Variants in MEI4 observed in about 807,000 individuals in gnomAD.
MEI4 encodes the protein meiosis-specific protein MEI4.
In MEI4, 27 loss-of-function variants were observed where a neutral mutation model predicts 31.4. The ratio of observed to expected loss-of-function variants is 0.86; its 90% CI spans 0.63 to 1.19. MEI4 has a LOEUF of 1.19. Ranked by LOEUF, MEI4 falls within the 50% of genes most tolerant of loss-of-function variation. MEI4 has a pLI of 0.00. For synonymous variants in MEI4, 122 were observed against 145.4 expected (o/e 0.84, Z 1.16); for missense variants, 329 against 398.9 (o/e 0.82, Z 1.49).
intron 2 of MEI4, among the ~76,000 whole-genome samples, chr6:77,746,371 G>T (rs1209933699): frequency 6.6e-6 from 1 of 152,126 alleles, no homozygotes; most frequent in Non-Finnish European, 1.5e-5. Flanking sequence ...TCCAATAAGT[G>T]GAAGCCCTGA....
intron 4 of MEI4, among the ~76,000 whole-genome samples, chr6:77,834,496 C>A (rs920407593): frequency 2.0e-5 from 3 of 149,960 alleles, no homozygotes; most frequent in African/African-American, 7.3e-5. Flanking sequence ...TGAGGCAGAG[C>A]TCCTTTTGTG....
intron 1 of MEI4, among the ~76,000 whole-genome samples, chr6:77,672,023 T>C (rs1281212436): frequency 6.6e-6 from 1 of 152,190 alleles, no homozygotes; most frequent in Non-Finnish European, 1.5e-5. Context: ...TTTAGTGACA[T>C]GCATATAGAG....
At chr6:77,737,758 A>G (rs1767290464) in intron 2 of MEI4, among the ~76,000 whole-genome samples, 1 of 152,206 alleles carries the variant, frequency 6.6e-6, no homozygotes, top group South Asian at 2.1e-4. Context: ...AGATAGGATC[A>G]ATATCATCTG....
chr6:77,819,559 C>T (rs891351446), intron 3 of MEI4, among the ~76,000 whole-genome samples: 2 of 152,082 alleles, frequency 1.3e-5, no homozygotes, highest in Non-Finnish European at 2.9e-5. Context: ...AAGTGATACC[C>T]TAAGCTCTTT....
intron 2 of MEI4, among the ~76,000 whole-genome samples, chr6:77,752,726 T>C (rs796100343): frequency 2.0e-4 from 31 of 152,316 alleles, no homozygotes; most frequent in African/African-American, 7.0e-4. Flanking sequence ...AAGCTACCAC[T>C]GACTTTCTTC....
At chr6:77,743,687 AC>A (rs1767487226) in intron 2 of MEI4, among the ~76,000 whole-genome samples, 1 of 151,988 alleles carries the variant, frequency 6.6e-6, no homozygotes, top group Admixed American at 6.6e-5. Context: ...CTGACCCCTG[AC>A]CCCCGAGCAG....
chr6:77,780,263 G>A (rs1337689603), intron 3 of MEI4, among the ~76,000 whole-genome samples: 1 of 152,168 alleles, frequency 6.6e-6, no homozygotes, highest in East Asian at 1.9e-4. Context: ...GAATATAAGG[G>A]AGTTTATCTA....
At chr6:77,843,963 A>G (rs948698533) in intron 4 of MEI4, among the ~76,000 whole-genome samples, 1 of 152,106 alleles carries the variant, frequency 6.6e-6, no homozygotes, top group African/African-American at 2.4e-5. Flanking sequence ...TGGGTTTGAA[A>G]AATCCACTTC....
intron 3 of MEI4, among the ~76,000 whole-genome samples, chr6:77,769,963 G>C (rs773531470): frequency 2.4e-4 from 36 of 151,764 alleles, no homozygotes; most frequent in African/African-American, 8.5e-4. Context: ...TTCTGCTTGA[G>C]AAAAGGAGAC....
rs374377420 is a variant in MEI4 at position 77,799,942 on chromosome 6, C to T, written c.769-28989C>T. Among the ~76,000 whole-genome samples, 8 of 152,062 alleles carry T rather than the reference C, an allele frequency of 5.3e-5. No individual in the cohort carries two copies. The South Asian group carries it at 8.3e-4, about 16-fold the overall frequency. ...GTCAGGTAGTGTGATGCCTCCAGCTCTGTTCTTTTGGCTTAGGATTTACTT... is the reference window on the plus strand; with the variant it reads ...GTCAGGTAGTGTGATGCCTCCAGCTTTGTTCTTTTGGCTTAGGATTTACTT... On this transcript the variant is annotated intron_variant, in intron 3 of 4. Transcript: ENST00000684080.
intron 2 of MEI4, among the ~76,000 whole-genome samples, chr6:77,737,838 G>A (rs2127671510): frequency 6.6e-6 from 1 of 152,278 alleles, no homozygotes; most frequent in East Asian, 1.9e-4. Flanking sequence ...CTTGGAGACT[G>A]GAGGGTAGTA....
chr6:77,839,364 T>C (rs1770302147), intron 4 of MEI4, among the ~76,000 whole-genome samples: 1 of 152,148 alleles, frequency 6.6e-6, no homozygotes, highest in Non-Finnish European at 1.5e-5. Flanking sequence ...AAGGTGAATC[T>C]TCCTACACAG....
At chr6:77,724,966 C>A (rs912847822) in intron 2 of MEI4, among the ~76,000 whole-genome samples, 24 of 142,508 alleles carry the variant, frequency 1.7e-4, no homozygotes, top group African/African-American at 5.8e-4. Flanking sequence ...GAAATACTAT[C>A]TTCTTCTGTT....
chr6:77,785,660 T>C (rs1768715765), intron 3 of MEI4, among the ~76,000 whole-genome samples: 1 of 152,170 alleles, frequency 6.6e-6, no homozygotes, highest in Non-Finnish European at 1.5e-5. Flanking sequence ...AGGGTTATTT[T>C]TGTGAGAAGG....
chr6:77,791,414 A>C (rs907820763), intron 3 of MEI4, among the ~76,000 whole-genome samples: 1 of 151,206 alleles, frequency 6.6e-6, no homozygotes, highest in Non-Finnish European at 1.5e-5. Context: ...CATCATTCTC[A>C]GTAAACTATC....
At chr6:77,746,363 C>A (rs2127675431) in intron 2 of MEI4, among the ~76,000 whole-genome samples, 1 of 152,230 alleles carries the variant, frequency 6.6e-6, no homozygotes, top group South Asian at 2.1e-4. Flanking sequence ...TGGCCTCATC[C>A]AATAAGTGGA....
chr6:77,883,717 G>GATAT (rs570185624), intron 4 of MEI4, among the ~76,000 whole-genome samples: 575 of 43,310 alleles, frequency 0.013, 21 homozygotes, highest in African/African-American at 0.014. Context: ...TATTATGTAA[G>GATAT]ATATATATAT....
intron 3 of MEI4, among the ~76,000 whole-genome samples, chr6:77,819,116 T>C (rs1436652388): frequency 1.3e-5 from 2 of 152,234 alleles, no homozygotes. Context: ...TATTATGTTC[T>C]AATTGAATAG....
At chr6:77,687,683 A>G (rs1256039791) in intron 1 of MEI4, among the ~76,000 whole-genome samples, 1 of 152,046 alleles carries the variant, frequency 6.6e-6, no homozygotes, top group African/African-American at 2.4e-5. Context: ...TCAGTAAGTC[A>G]CTCTATTTAT....
Sources: gnomAD v4.1 joint callset for allele counts (sites outside exome capture counted in the v4.1 genomes callset) on GRCh38, gnomAD v4.1.1 for gene constraint, MANE v1.5 for transcripts, NCBI Gene and HGNC (gene_info 2026-07-23, HGNC 2026-07-21) for gene names.